CDCP1: variants seen among roughly 807,000 people sequenced by gnomAD.
The protein encoded by CDCP1 is CUB domain-containing protein 1.
Under a neutral mutation model 60.2 loss-of-function variants are expected in CDCP1, and 29 were observed. That is an observed-to-expected ratio of 0.48 (90% confidence interval 0.36 to 0.66). The LOEUF is 0.66. CDCP1 is among the 30% of genes least tolerant of loss of function. The pLI is 0.00. For missense variants in CDCP1, 876 were observed against 1,074.3 expected, an observed-to-expected ratio of 0.82 and a Z score of 2.58; for synonymous variants, 387 against 431.1, an observed-to-expected ratio of 0.90 and a Z score of 1.27.
rs896203019 is a variant in CDCP1 at position 45,111,972 on chromosome 3, G to A, written c.655+111C>T. The A allele has an allele frequency of 3.7e-6, 5 of 1,364,390 alleles. No homozygotes were observed. In the African/African-American group the frequency reaches 7.2e-5, roughly 20 times the overall value. 84.5% of individuals were successfully genotyped at this position (1,364,390 alleles called of 1,614,324 possible). ...TAAGAGAGCTAGATCTTCCTTTATG[G>A]TTTTTATATTGAGTATTAGAGATTT... On this transcript the variant is annotated intron_variant, in intron 3 of 8. Transcript: ENST00000296129.
intron 2 of CDCP1, among the ~76,000 whole-genome samples, chr3:45,116,548 ACT>A (rs1362040185): frequency 6.6e-6 from 1 of 152,178 alleles, no homozygotes; most frequent in Non-Finnish European, 1.5e-5. Flanking sequence ...AGCAGATTTC[ACT>A]CTGTAATAGC....
intron 2 of CDCP1, 125 bp from the exon 3 acceptor site, chr3:45,112,570 C>A: frequency 3.0e-6 from 4 of 1,319,318 alleles, no homozygotes; most frequent in Non-Finnish European, 4.2e-6. Flanking sequence ...CTTTACCAGG[C>A]AGGGGCACCC....
chr3:45,091,519 C>T lies in CDCP1; in HGVS notation c.1647G>A (p.Val549=), dbSNP rs1417649514. 6.2e-7 allele frequency: 1 copy of T among 1,604,156 alleles called. No homozygotes were observed. The highest frequency in any genetic ancestry group is 1.1e-5 in the South Asian group (1 of 89,990). ...AGACCTTGCTTTTTGTGTCAGGGGT[C>T]ACCGTGAAAACGCCTTCCTCTGCAG... ...PYFKEEGVFT[V]TPDTKSKVYL... is the part of the protein sequence containing the mutation. Residue 549 remains valine (V), a synonymous_variant, in exon 7 of 9, where the codon GTG becomes GTA. Transcript: ENST00000296129. This position sits in a 1 kb window ranked among gnomAD's most constrained non-coding sequence, Gnocchi z 4.8.
At chr3:45,126,923 G>T (rs1021648551) in intron 1 of CDCP1, among the ~76,000 whole-genome samples, 2 of 152,162 alleles carry the variant, frequency 1.3e-5, no homozygotes, top group African/African-American at 4.8e-5. Flanking sequence ...TTAATAAGAG[G>T]TAGAGACAAG....
chr3:45,104,963 G>A (rs558983041), intron 4 of CDCP1, among the ~76,000 whole-genome samples: 8 of 152,290 alleles, frequency 5.3e-5, no homozygotes, highest in South Asian at 2.1e-4. Context: ...CAGGAGAATC[G>A]CTTGAACCCA....
Position 45,085,544 on chromosome 3 carries a change from A to C in CDCP1, c.*94T>G. On this transcript the variant is annotated 3_prime_UTR_variant, in exon 9 of 9. Transcript: ENST00000296129. The surrounding 1 kb of genome is among the most constrained non-coding windows in gnomAD (Gnocchi z 4.2). ...AACCTCCTGCTGTTCCTTCTGTATA[A>C]TTCCTCTTCTTTAGGATTTCTGGTT... The C allele has an allele frequency of 2.3e-6, 3 of 1,324,100 alleles. No individual in the cohort carries two copies. Among genetic ancestry groups the C allele is most frequent in the East Asian group, 4.6e-5 (2 of 43,162 alleles). The allele number at this position is 1,324,100 out of a possible 1,614,324, so 82.0% of individuals were successfully genotyped here. A position where few individuals can be genotyped will look rare whatever the true frequency, so the allele number is the denominator to read the frequency against.
intron 3 of CDCP1, 104 bp from the exon 4 acceptor site, chr3:45,110,945 C>A (rs1281149552): frequency 7.7e-7 from 1 of 1,306,956 alleles, no homozygotes; most frequent in Non-Finnish European, 1.1e-6. Context: ...GACTGCAGTT[C>A]TCAGATCCTG....
At chr3:45,111,941 C>G in intron 3 of CDCP1, 142 bp downstream of exon 3, 1 of 1,072,484 alleles carries the variant, frequency 9.3e-7, no homozygotes, top group Non-Finnish European at 1.3e-6. Context: ...TGACCCATGT[C>G]ACTTATAAGA....
In CDCP1 at chr3:45,130,245, C is replaced by G. The variant is rs147292475; in HGVS notation, c.83-11624G>C. Among the ~76,000 whole-genome samples, 95 of 152,080 alleles carry G rather than the reference C, an allele frequency of 6.2e-4. 1 individual carries two copies. Among genetic ancestry groups the G allele is most frequent in the African/African-American group, 2.1e-3 (88 of 41,476 alleles). The stretch of plus-strand genomic sequence containing the variant: ...CAAGCAATCCTCCCACCTCAGTCTC[C>G]TGGATAGCTGGGACCTCAAACGCAT... On this transcript the variant is annotated intron_variant, in intron 1 of 8. Transcript: ENST00000296129.
intron 1 of CDCP1, 141 bp from the exon 2 acceptor site, chr3:45,118,762 T>C (rs939028013): frequency 1.8e-5 from 12 of 651,002 alleles, no homozygotes; most frequent in Non-Finnish European, 2.9e-5. Flanking sequence ...AGAAGGGTGG[T>C]GCAAAATGAC....
chr3:45,107,967 A>C (rs1698597599), intron 4 of CDCP1, among the ~76,000 whole-genome samples: 1 of 151,858 alleles, frequency 6.6e-6, no homozygotes, highest in African/African-American at 2.4e-5. Context: ...AAATACAAAA[A>C]ATTAGTTGGG....
chr3:45,141,922 C>G (rs73089379), intron 1 of CDCP1, among the ~76,000 whole-genome samples: 6,671 of 152,210 alleles, frequency 0.044, 215 homozygotes, highest in Non-Finnish European at 0.07. Flanking sequence ...ACCTCTGCCC[C>G]CCGGGTTCAA....
At position 45,084,091 on chromosome 3, in the gene CDCP1, G is replaced by A. The variant is rs374863027; in HGVS notation, c.*1547C>T. On this transcript the variant is annotated 3_prime_UTR_variant, in exon 9 of 9. Coordinates refer to ENST00000296129, the MANE Select transcript of CDCP1 (RefSeq NM_022842.5). ...CAAACACTCAGCCTCATTGTGGGAAGTGATAGGGCGTAGTGTGGGCTGTGG... is the reference window on the plus strand; with the variant it reads ...CAAACACTCAGCCTCATTGTGGGAAATGATAGGGCGTAGTGTGGGCTGTGG... 3.9e-5 allele frequency: 6 copies of A among 152,258 alleles called. No homozygotes were observed. Among genetic ancestry groups the A allele is most frequent in the African/African-American group, 1.4e-4 (6 of 41,538 alleles). The allele number at this position is 152,258 out of a possible 1,614,324, so 9.4% of individuals were successfully genotyped here.
chr3:45,093,626 T>C lies in CDCP1; in HGVS notation c.1278A>G (p.Lys426=), dbSNP rs1455879804. The C allele has an allele frequency of 1.9e-6, 3 of 1,613,740 alleles. No homozygotes were observed. The highest frequency in any genetic ancestry group is 4.5e-5 in the East Asian group (2 of 44,860). Residue 426 remains lysine (K), a synonymous_variant, in exon 6 of 9, where the codon AAA becomes AAG. Transcript: ENST00000296129. The part of the protein sequence containing the change: ...SCTDHRYCQR[K]SYSLQVPSDI... ...CACTGGGCACCTGGAGTGAGTAGGATTTCCTTTGGCAGTACCGGTGGTCTG... is the reference window on the plus strand; with the variant it reads ...CACTGGGCACCTGGAGTGAGTAGGACTTCCTTTGGCAGTACCGGTGGTCTG...
In CDCP1 at chr3:45,112,080, C is replaced by T; in HGVS notation, c.655+3G>A. 2 of 1,610,496 alleles carry T rather than the reference C, an allele frequency of 1.2e-6. No individual in the cohort carries two copies. Among genetic ancestry groups the T allele is most frequent in the Non-Finnish European group, 1.7e-6 (2 of 1,177,508 alleles). On this transcript the variant is annotated splice_donor_region_variant and intron_variant, in intron 3 of 8. Transcript: ENST00000296129. ...ATCAGATAGCAGGGAGGGGCTTTCT[C>T]ACGTTTTATAGATGAGCGGTTTGCA...
At chr3:45,132,874 T>A (rs2126007004) in intron 1 of CDCP1, among the ~76,000 whole-genome samples, 1 of 152,292 alleles carries the variant, frequency 6.6e-6, no homozygotes, top group South Asian at 2.1e-4. Flanking sequence ...GTGACTCACA[T>A]CCTTGTAGAA....
intron 1 of CDCP1, among the ~76,000 whole-genome samples, chr3:45,135,900 G>A (rs780528741): frequency 1.4e-4 from 22 of 152,066 alleles, no homozygotes; most frequent in Non-Finnish European, 2.8e-4. Context: ...TGAATTAGAG[G>A]GTGCAAGCTC....
chr3:45,091,300 G>T lies in CDCP1; in HGVS notation c.1866C>A (p.Asp622Glu), dbSNP rs368493580. 1 of 1,613,914 alleles carries T rather than the reference G, an allele frequency of 6.2e-7. No homozygotes were observed. Among genetic ancestry groups the T allele is most frequent in the Non-Finnish European group, 8.5e-7 (1 of 1,180,034 alleles). Residue 622 changes from aspartate to glutamate, a missense_variant, in exon 7 of 9, where the codon GAC (aspartate) becomes GAA (glutamate). Transcript: ENST00000296129. This position sits in a 1 kb window ranked among gnomAD's most constrained non-coding sequence, Gnocchi z 4.8. ...RTRAEEIFSL[D>E]EDVLPKPSFH... Reference sequence around the variant, plus strand: ...AGCTTGGCTTGGGGAGCACATCCTCGTCCAGGCTGAAGATCTCCTCAGCCC... The same window carrying T: ...AGCTTGGCTTGGGGAGCACATCCTCTTCCAGGCTGAAGATCTCCTCAGCCC...
In CDCP1 at chr3:45,082,890, G is replaced by A. The variant is rs187464458; in HGVS notation, c.*2748C>T. The A allele has an allele frequency of 1.3e-5, 2 of 152,368 alleles. No individual in the cohort carries two copies. The highest frequency in any genetic ancestry group is 3.9e-4 in the East Asian group (2 of 5,190). 9.4% of individuals were successfully genotyped at this position (152,368 alleles called of 1,614,324 possible). A position where few individuals can be genotyped will look rare whatever the true frequency, so the allele number is the denominator to read the frequency against. ...TGGGGCCTGGGCTTTAAAGAAAAGA[G>A]CCAGGGTTCCTCAGGCTGGGCCCCT... is the stretch of plus-strand genomic sequence containing the variant. On this transcript the variant is annotated 3_prime_UTR_variant, in exon 9 of 9. Transcript: ENST00000296129.
Sources: allele counts gnomAD v4.1 joint callset (sites outside exome capture counted in the v4.1 genomes callset), GRCh38; gene constraint gnomAD v4.1.1; non-coding constraint Gnocchi (gnomAD v3.1); transcripts MANE v1.5; gene names NCBI Gene and HGNC (gene_info 2026-07-23, HGNC 2026-07-21).